Variants in DMD observed in about 807,000 individuals in gnomAD.
The protein encoded by DMD is mutant dystrophin.
DMD carries 63 observed loss-of-function variants against 330.1 expected under a neutral mutation model. The ratio of observed to expected loss-of-function variants is 0.19; its 90% CI spans 0.16 to 0.24. The LOEUF (loss-of-function observed/expected upper bound fraction) is 0.24, where lower values mean the gene tolerates loss of function less well. DMD is among the 10% of genes least tolerant of loss of function. DMD has a pLI of 1.00. For synonymous variants in DMD, 1,223 were observed against 959.8 expected, an observed-to-expected ratio of 1.27 and a Z score of -5.07; for missense variants, 3,344 against 2,684.1, an observed-to-expected ratio of 1.25 and a Z score of -5.43.
chrX:33,277,889 C>G (rs751098256), intron 1 of DMD, among the ~76,000 whole-genome samples: 2 of 110,957 alleles, frequency 1.8e-5, no homozygotes, highest in Non-Finnish European at 3.8e-5. Context: ...GGGAGGATCG[C>G]TGGAGACCAG....
At chrX:32,439,323 TAAAG>T (rs1186092465) in intron 28 of DMD, among the ~76,000 whole-genome samples, 25 of 111,131 alleles carry the variant, frequency 2.2e-4, no homozygotes, top group Admixed American at 1.8e-3. Flanking sequence ...TTCAAGAAAA[TAAAG>T]AGACTTCCTA....
At chrX:32,132,711 A>T (rs2096702741) in intron 44 of DMD, among the ~76,000 whole-genome samples, 1 of 110,721 alleles carries the variant, frequency 9.0e-6, no homozygotes, top group African/African-American at 3.3e-5. Flanking sequence ...TTCGGTGTTC[A>T]TTCAAGTCAT....
chrX:31,125,791 T>C (rs747583892), intron 78 of DMD, among the ~76,000 whole-genome samples: 10 of 112,273 alleles, frequency 8.9e-5, no homozygotes, highest in African/African-American at 1.3e-4. Context: ...AACCCATAAA[T>C]AGGCATTTTA....
chrX:32,845,577 CCACT>C (rs890499961), intron 3 of DMD, among the ~76,000 whole-genome samples: 3 of 111,716 alleles, frequency 2.7e-5, no homozygotes, highest in African/African-American at 3.3e-5. Flanking sequence ...TTTCCCTTCT[CCACT>C]CACTCACCAT....
intron 51 of DMD, among the ~76,000 whole-genome samples, chrX:31,749,300 C>G (rs1437621441): frequency 1.7e-4 from 13 of 76,075 alleles, no homozygotes; most frequent in Non-Finnish European, 3.2e-4. Context: ...CCCCTCCCCC[C>G]ACCCCACAAC....
At chrX:32,348,086 T>C (rs1398970444) in intron 38 of DMD, among the ~76,000 whole-genome samples, 1 of 111,104 alleles carries the variant, frequency 9.0e-6, no homozygotes, top group African/African-American at 3.3e-5. Context: ...AGTTGAGTAT[T>C]TTATTAAATT....
At chrX:32,718,058 G>A (rs922896970) in intron 7 of DMD, among the ~76,000 whole-genome samples, 4 of 111,072 alleles carry the variant, frequency 3.6e-5, no homozygotes, top group African/African-American at 1.3e-4. Flanking sequence ...TTTGGACTGT[G>A]GACTTTTGAA....
chrX:32,568,417 G>A (rs1184291460), intron 15 of DMD, among the ~76,000 whole-genome samples: 1 of 108,425 alleles, frequency 9.2e-6, no homozygotes, highest in Admixed American at 9.9e-5. Flanking sequence ...CTGAGGCAAG[G>A]AATCGCTGGA....
At chrX:32,164,801 C>G (rs1051153239) in intron 44 of DMD, among the ~76,000 whole-genome samples, 4 of 109,361 alleles carry the variant, frequency 3.7e-5, no homozygotes, top group East Asian at 5.7e-4. Flanking sequence ...AGGTCCCCCC[C>G]CCAACCCCAC....
At chrX:32,366,079 A>G (rs974837192) in intron 34 of DMD, among the ~76,000 whole-genome samples, 6 of 112,567 alleles carry the variant, frequency 5.3e-5, no homozygotes, top group Non-Finnish European at 1.1e-4. Context: ...ATCTCCTAAG[A>G]GAATACCACT....
intron 17 of DMD, among the ~76,000 whole-genome samples, chrX:32,524,467 A>C (rs1192989032): frequency 8.9e-6 from 1 of 112,133 alleles, no homozygotes; most frequent in Non-Finnish European, 1.9e-5. Context: ...ACAAGATAAA[A>C]ATGGTTTAGA....
At chrX:32,804,788 A>G (rs1239740127) in intron 7 of DMD, among the ~76,000 whole-genome samples, 1 of 112,249 alleles carries the variant, frequency 8.9e-6, no homozygotes, top group Non-Finnish European at 1.9e-5. Context: ...ACAGGCAGCA[A>G]TCTTTGCTGT....
At chrX:32,006,044 A>G (rs998034290) in intron 44 of DMD, among the ~76,000 whole-genome samples, 35 of 111,374 alleles carry the variant, frequency 3.1e-4, no homozygotes, top group African/African-American at 1.1e-3. Flanking sequence ...GCAGGTGGTT[A>G]GATTGTCAGT....
intron 48 of DMD, among the ~76,000 whole-genome samples, chrX:31,848,102 A>C (rs2149540605): frequency 9.0e-6 from 1 of 111,689 alleles, no homozygotes; most frequent in East Asian, 2.8e-4. Flanking sequence ...TCCAAAATTG[A>C]CGTTTCTTAA....
intron 44 of DMD, among the ~76,000 whole-genome samples, chrX:32,009,414 C>A (rs1002443181): frequency 8.9e-6 from 1 of 111,898 alleles, no homozygotes; most frequent in Admixed American, 9.5e-5. Flanking sequence ...TTTTTAAGTT[C>A]TTGAAATCTA....
intron 7 of DMD, among the ~76,000 whole-genome samples, chrX:32,774,557 G>A (rs1422627432): frequency 9.0e-6 from 1 of 111,132 alleles, no homozygotes; most frequent in Non-Finnish European, 1.9e-5. Context: ...AAAGGCAAAG[G>A]GGAAGCAAGC....
At chrX:32,412,072 A>C (rs1227558387) in intron 29 of DMD, 159 bp from the exon 30 acceptor site, 1 of 1,180,870 alleles carries the variant, frequency 8.5e-7, no homozygotes, top group Non-Finnish European at 1.1e-6. Flanking sequence ...CTCTGTTGAT[A>C]GAAAAAAAAT....
chrX:32,224,258 A>G (rs1171429531), intron 43 of DMD, among the ~76,000 whole-genome samples: 1 of 111,392 alleles, frequency 9.0e-6, no homozygotes, highest in Non-Finnish European at 1.9e-5. Context: ...GTGCTTCATC[A>G]TTTGTGTAAG....
At chrX:33,312,740 T>A (rs2053868887) in intron 1 of DMD, among the ~76,000 whole-genome samples, 1 of 111,836 alleles carries the variant, frequency 8.9e-6, no homozygotes, top group Non-Finnish European at 1.9e-5. Flanking sequence ...TTTTGCCTGT[T>A]TTTCTGTTTA....
Sources: gnomAD v4.1 joint callset for allele counts (sites outside exome capture counted in the v4.1 genomes callset) on GRCh38, gnomAD v4.1.1 for gene constraint, MANE v1.5 for transcripts, NCBI Gene and HGNC (gene_info 2026-07-23, HGNC 2026-07-21) for gene names.